BCOR: variants seen among roughly 807,000 people sequenced by gnomAD.
BCOR encodes the protein BCL-6 corepressor.
Under a neutral mutation model 86.7 loss-of-function variants are expected in BCOR, and 10 were observed. The observed-to-expected ratio is 0.12, with a 90% CI of 0.07 to 0.20. The LOEUF (loss-of-function observed/expected upper bound fraction) is 0.20. Ranked by LOEUF, BCOR falls within the 10% of genes least tolerant of loss-of-function variation. The pLI, the probability that BCOR is intolerant of heterozygous loss-of-function variation, is 1.00. For synonymous variants in BCOR, 611 were observed against 609.0 expected (o/e 1.00, Z -0.05); for missense variants, 1,259 against 1,452.1 (o/e 0.87, Z 2.16).
upstream of BCOR, among the ~76,000 whole-genome samples, chrX:40,098,414 A>G (rs1191052643): frequency 1.8e-5 from 2 of 109,777 alleles, no homozygotes; most frequent in Non-Finnish European, 3.8e-5. Context: ...CGAGCCGGAG[A>G]CCGACTTGGG....
intron 1 of BCOR, among the ~76,000 whole-genome samples, chrX:40,094,250 C>A (rs920125856): frequency 1.2e-4 from 14 of 112,478 alleles, no homozygotes; most frequent in African/African-American, 1.6e-4. Context: ...GCGCCTCCCC[C>A]CCCTCCAGTC....
chrX:40,079,939 G>A (rs186563691), intron 1 of BCOR, among the ~76,000 whole-genome samples: 10 of 108,203 alleles, frequency 9.2e-5, no homozygotes, highest in Admixed American at 8.7e-4. Flanking sequence ...ATCATTCCCC[G>A]GTGCCAGTGT....
In BCOR at chrX:40,073,929, T is replaced by C; in HGVS notation, c.1417A>G (p.Ser473Gly). Residue 473 changes from serine (S) to glycine (G), a missense_variant, in exon 4 of 15, where the codon AGT becomes GGT. Ser to Gly is a moderately conservative substitution (Grantham distance 56, BLOSUM62 0). Around this residue, in one of 7 missense-constraint regions of BCOR, gnomAD observed 534 missense variants for 594.8 expected, o/e 0.90. Transcript: ENST00000378444. ...TCACTTCCGGAGAGCACTAAGCCACTTCCAGCCCTGCTGTGAACCAGGACC... is the reference window on the plus strand; with the variant it reads ...TCACTTCCGGAGAGCACTAAGCCACCTCCAGCCCTGCTGTGAACCAGGACC... Reference protein sequence around the residue: ...PTVLVHSRAGSGLVLSGSEIP... With the variant: ...PTVLVHSRAGGGLVLSGSEIP... 1 of 1,212,489 alleles carries C rather than the reference T, an allele frequency of 8.2e-7. No individual in the cohort carries two copies. Among genetic ancestry groups the C allele is most frequent in the African/African-American group, 1.7e-5 (1 of 57,995 alleles).
chrX:40,093,294 T>C (rs1602202568), intron 1 of BCOR, among the ~76,000 whole-genome samples: 1 of 111,964 alleles, frequency 8.9e-6, no homozygotes. Context: ...CTACTTCCAT[T>C]CTTTTTGCTT....
At chrX:40,080,991 A>ACC (rs757691954) in intron 1 of BCOR, among the ~76,000 whole-genome samples, 1 of 103,721 alleles carries the variant, frequency 9.6e-6, no homozygotes, top group Non-Finnish European at 2.1e-5. Context: ...ACACACGCGC[A>ACC]CACACACACA....
chrX:40,106,978 C>CA (rs1937201443), intron 1 of BCOR, among the ~76,000 whole-genome samples: 1 of 111,150 alleles, frequency 9.0e-6, no homozygotes, highest in Admixed American at 9.5e-5. Context: ...GTGAAGAACT[C>CA]AGAGTGCGTG....
At chrX:40,059,104 G>A (rs1370698515) in intron 10 of BCOR, among the ~76,000 whole-genome samples, 1 of 111,858 alleles carries the variant, frequency 8.9e-6, no homozygotes, top group East Asian at 2.8e-4. Flanking sequence ...CTGATCTGAG[G>A]GAACATAGAA....
intron 2 of BCOR, 92 bp from the exon 3 acceptor site, chrX:40,076,624 C>T: frequency 1.4e-6 from 1 of 702,950 alleles, no homozygotes; most frequent in East Asian, 3.5e-5. Flanking sequence ...TTCTACTAAC[C>T]CAATTTTTAA....
chrX:40,104,816 C>T (rs1937140184), intron 1 of BCOR, among the ~76,000 whole-genome samples: 1 of 112,846 alleles, frequency 8.9e-6, no homozygotes, highest in Non-Finnish European at 1.9e-5. Context: ...TCCGAGCAAG[C>T]GGGTATCCGC....
chrX:40,159,805 TC>T (rs764331698), intron 1 of BCOR, among the ~76,000 whole-genome samples: 65 of 112,124 alleles, frequency 5.8e-4, no homozygotes, highest in Admixed American at 9.4e-4. Flanking sequence ...CAGAAAATTG[TC>T]CTCAGATTAA....
chrX:40,092,134 G>A (rs1222264636), intron 1 of BCOR, among the ~76,000 whole-genome samples: 1 of 111,867 alleles, frequency 8.9e-6, no homozygotes, highest in Non-Finnish European at 1.9e-5. Flanking sequence ...GCGCCTCTCC[G>A]GGTCCGCCGG....
At chrX:40,087,286 T>C (rs761472153) in intron 1 of BCOR, among the ~76,000 whole-genome samples, 1 of 113,221 alleles carries the variant, frequency 8.8e-6, no homozygotes, top group East Asian at 2.8e-4. Flanking sequence ...ATGTCTCCTT[T>C]ATGATTTTTG....
chrX:40,119,325 C>T (rs906506765), intron 1 of BCOR, among the ~76,000 whole-genome samples: 1 of 103,768 alleles, frequency 9.6e-6, no homozygotes, highest in African/African-American at 3.6e-5. Context: ...AGTGCAGTGG[C>T]GCTTTGCCTA....
At chrX:40,139,470 T>TATATAATATATATAC in intron 1 of BCOR, among the ~76,000 whole-genome samples, 1 of 8,248 alleles carries the variant, frequency 1.2e-4, no homozygotes, top group African/African-American at 1.9e-3. Context: ...TATATATATA[T>TATATAATATATATAC]ATATATATAT....
chrX:40,071,240 A>C (rs1935465772), intron 5 of BCOR, 81 bp from the exon 6 acceptor site: 1 of 1,033,733 alleles, frequency 9.7e-7, no homozygotes, highest in African/African-American at 1.9e-5. Flanking sequence ...TCTTAAAGGA[A>C]AGTATTTTCA....
chrX:40,057,460 G>C, intron 10 of BCOR, 139 bp from the exon 11 acceptor site: 4 of 631,613 alleles, frequency 6.3e-6, no homozygotes, highest in Non-Finnish European at 1.0e-5. Flanking sequence ...GGATGTCTTG[G>C]TGAGGGGGAA....
chrX:40,124,384 C>T (rs1029338694), intron 1 of BCOR, among the ~76,000 whole-genome samples: 5 of 109,583 alleles, frequency 4.6e-5, no homozygotes, highest in African/African-American at 1.3e-4. Context: ...GCAATCCTCC[C>T]GCCTCAGCCT....
chrX:40,083,905 C>A (rs1238232837), intron 1 of BCOR, among the ~76,000 whole-genome samples: 1 of 111,989 alleles, frequency 8.9e-6, no homozygotes, highest in Non-Finnish European at 1.9e-5. Context: ...TTCCCGAGGC[C>A]CCGCCGCACC....
chrX:40,126,080 G>A (rs1258292122), intron 1 of BCOR, among the ~76,000 whole-genome samples: 4 of 110,728 alleles, frequency 3.6e-5, no homozygotes, highest in Non-Finnish European at 1.9e-5. Context: ...GCTGGGCGTG[G>A]TGGTGCGTGC....
Sources: allele counts gnomAD v4.1 joint callset (sites outside exome capture counted in the v4.1 genomes callset), GRCh38; gene constraint gnomAD v4.1.1; regional missense constraint gnomAD v4.1.1; transcripts MANE v1.5; gene names NCBI Gene and HGNC (gene_info 2026-07-23, HGNC 2026-07-21).